CCNT1: variants seen among roughly 807,000 people sequenced by gnomAD.
CCNT1 encodes the protein cyclin-T1.
A neutral mutation model predicts 67.3 loss-of-function variants in CCNT1; 18 were observed. That is an observed-to-expected ratio of 0.27 (90% confidence interval 0.18 to 0.40). The LOEUF is 0.40. Ranked by LOEUF, CCNT1 falls within the 10% of genes least tolerant of loss-of-function variation. The pLI is 1.00. For missense variants in CCNT1, 744 were observed against 884.9 expected (o/e 0.84, Z 2.02); for synonymous variants, 333 against 310.3 (o/e 1.07, Z -0.77).
In CCNT1 at chr12:48,689,807, G is replaced by A. The variant is rs1046120648; in HGVS notation, c.*3226C>T. On this transcript the variant is annotated 3_prime_UTR_variant, in exon 9 of 9. Transcript: ENST00000261900. ...TGTGGAGGAGTATGCATTTCAATATGGAGAATTAAGTAGCAGAGGTTTAAG... is the reference window on the plus strand; with the variant it reads ...TGTGGAGGAGTATGCATTTCAATATAGAGAATTAAGTAGCAGAGGTTTAAG... 3 of 152,168 alleles carry A rather than the reference G, an allele frequency of 2.0e-5. No homozygotes were observed. The highest frequency in any genetic ancestry group is 1.3e-4 in the Admixed American group (2 of 15,276). 9.4% of individuals were successfully genotyped at this position (152,168 alleles called of 1,614,324 possible).
At chr12:48,701,904 C>A (rs988731610) in intron 3 of CCNT1, among the ~76,000 whole-genome samples, 21 of 151,630 alleles carry the variant, frequency 1.4e-4, no homozygotes, top group African/African-American at 5.1e-4. Flanking sequence ...CCGCACCCGG[C>A]CTTTTTTTTT....
At chr12:48,700,516 A>AT (rs1256221383) in intron 4 of CCNT1, among the ~76,000 whole-genome samples, 1 of 152,086 alleles carries the variant, frequency 6.6e-6, no homozygotes, top group Non-Finnish European at 1.5e-5. Flanking sequence ...AAAAATCTGT[A>AT]TTTTCATATT....
In CCNT1 at chr12:48,694,443, T is replaced by C. The variant is rs1565615841; in HGVS notation, c.778-7A>G. 3 of 1,607,460 alleles carry C rather than the reference T, an allele frequency of 1.9e-6. No homozygotes were observed. The highest frequency in any genetic ancestry group is 2.6e-6 in the Non-Finnish European group (3 of 1,175,366). ...TCTTGGCAGCCTCGCATGCCTGCAATGAAGCAAATAGCATCTCTTTACTTA... is the reference window on the plus strand; with the variant it reads ...TCTTGGCAGCCTCGCATGCCTGCAACGAAGCAAATAGCATCTCTTTACTTA... On this transcript the variant is annotated splice_region_variant and splice_polypyrimidine_tract_variant and intron_variant, in intron 8 of 8. Coordinates refer to ENST00000261900, the MANE Select transcript of CCNT1 (RefSeq NM_001240.4).
At chr12:48,697,561 C>T (rs1254822175) in intron 6 of CCNT1, among the ~76,000 whole-genome samples, 1 of 141,254 alleles carries the variant, frequency 7.1e-6, no homozygotes, top group East Asian at 2.0e-4. Flanking sequence ...ATATATATGC[C>T]TGTAATCCCA....
In CCNT1 at chr12:48,692,394, AT is replaced by A. The variant is rs1193109658; in HGVS notation, c.*638del. The stretch of plus-strand genomic sequence containing the variant: ...TAAAAACACACATACCCACACTTAC[AT>A]ACACACTTAAAAGTCTGAAAAAAGT... On this transcript the variant is annotated 3_prime_UTR_variant, in exon 9 of 9. Coordinates refer to ENST00000261900, the MANE Select transcript of CCNT1 (RefSeq NM_001240.4). 2 of 148,510 alleles carry A rather than the reference AT, an allele frequency of 1.3e-5. No homozygotes were observed. The highest frequency in any genetic ancestry group is 5.3e-5 in the African/African-American group (2 of 37,920). 9.2% of individuals were successfully genotyped at this position (148,510 alleles called of 1,614,324 possible).
intron 3 of CCNT1, 158 bp downstream of exon 3, chr12:48,705,610 A>G: frequency 1.5e-6 from 1 of 660,524 alleles, no homozygotes. Flanking sequence ...CACAAACACT[A>G]AAATATTCTT....
At chr12:48,694,515 G>A in intron 8 of CCNT1, 79 bp from the exon 9 acceptor site, 1 of 1,298,254 alleles carries the variant, frequency 7.7e-7, no homozygotes, top group Non-Finnish European at 1.1e-6. Context: ...GATTGTACTT[G>A]CAGCAACACT....
chr12:48,704,581 C>T (rs572106722), intron 3 of CCNT1, among the ~76,000 whole-genome samples: 5 of 152,238 alleles, frequency 3.3e-5, no homozygotes, highest in African/African-American at 7.2e-5. Flanking sequence ...GAGGCCAAGG[C>T]GGGCAGATCA....
chr12:48,705,269 G>A (rs1043635689), intron 3 of CCNT1, among the ~76,000 whole-genome samples: 1 of 149,160 alleles, frequency 6.7e-6, no homozygotes, highest in East Asian at 2.1e-4. Context: ...GAGCCAGCAT[G>A]CCCAGTTGTT....
intron 3 of CCNT1, among the ~76,000 whole-genome samples, chr12:48,704,663 G>A (rs1158411642): frequency 5.9e-5 from 9 of 152,140 alleles, no homozygotes; most frequent in Admixed American, 5.9e-4. Context: ...ACAAAAATTA[G>A]CTGTGTGTGG....
At chr12:48,712,662 C>T (rs1470953118) in intron 2 of CCNT1, among the ~76,000 whole-genome samples, 4 of 132,540 alleles carry the variant, frequency 3.0e-5, no homozygotes, top group African/African-American at 5.6e-5. Flanking sequence ...AGTATACAGC[C>T]GGTGCAGTGG....
rs530552815 is a variant in CCNT1, at chr12:48,700,179, C to T, written c.434-339G>A. On this transcript the variant is annotated intron_variant, in intron 4 of 8. Transcript: ENST00000261900. ...CTAAAAATACAAAAATTTAGCTGGG[C>T]GTGGTGGCGGGCGCCTGTAGTCCCA... 1.2e-4 allele frequency among the ~76,000 whole-genome samples: 18 copies of T among 151,716 alleles called. No individual in the cohort carries two copies. In the South Asian group the frequency reaches 1.3e-3, roughly 11 times the overall value.
chr12:48,695,625 T>C (rs1026624348), intron 8 of CCNT1, 134 bp downstream of exon 8: 12 of 635,618 alleles, frequency 1.9e-5, no homozygotes, highest in Non-Finnish European at 3.4e-5. Flanking sequence ...AGGTATGAAG[T>C]AGAAGTCATG....
chr12:48,689,651 A>G lies in CCNT1; in HGVS notation c.*3382T>C, dbSNP rs1274771322. Reference sequence around the variant, plus strand: ...TTCTCTCTTTTCTTAGTATCAAAATAACTCATAAACAAAAAAAATTGTAAA... The same window carrying G: ...TTCTCTCTTTTCTTAGTATCAAAATGACTCATAAACAAAAAAAATTGTAAA... On this transcript the variant is annotated 3_prime_UTR_variant, in exon 9 of 9. Coordinates refer to ENST00000261900, the MANE Select transcript of CCNT1 (RefSeq NM_001240.4). 2 of 152,244 alleles carry G rather than the reference A, an allele frequency of 1.3e-5. No homozygotes were observed. Among genetic ancestry groups the G allele is most frequent in the Non-Finnish European group, 2.9e-5 (2 of 68,046 alleles). 9.4% of individuals were successfully genotyped at this position (152,244 alleles called of 1,614,324 possible).
chr12:48,716,442 C>A (rs11168700), intron 1 of CCNT1, 73 bp downstream of exon 1: 401,234 of 1,411,692 alleles, frequency 0.28, 62,700 homozygotes, highest in Non-Finnish European at 0.32. Context: ...GTCCCCCCCA[C>A]AGAGCCTGAG....
At chr12:48,705,430 CTT>C (rs575520492) in intron 3 of CCNT1, among the ~76,000 whole-genome samples, 1 of 148,078 alleles carries the variant, frequency 6.8e-6, no homozygotes, top group African/African-American at 2.5e-5. Flanking sequence ...CCACATCTGG[CTT>C]TTTTTTTTCT....
In CCNT1 at chr12:48,710,815, G is replaced by A. The variant is rs1466941084; in HGVS notation, c.243+3628C>T. On this transcript the variant is annotated intron_variant, in intron 2 of 8. Coordinates refer to ENST00000261900, the MANE Select transcript of CCNT1 (RefSeq NM_001240.4). ...ACAGTGGCTCATGGCTATAATTCCAGCACTTGGTAGGCCAAGGCGGGTGGA... is the reference window on the plus strand; with the variant it reads ...ACAGTGGCTCATGGCTATAATTCCAACACTTGGTAGGCCAAGGCGGGTGGA... 5.9e-5 allele frequency among the ~76,000 whole-genome samples: 9 copies of A among 152,172 alleles called. No homozygotes were observed. The East Asian group carries it at 1.7e-3, about 29-fold the overall frequency.
rs7134192 is a variant in CCNT1, at chr12:48,713,177, G to C, written c.243+1266C>G. 6.7e-5 allele frequency among the ~76,000 whole-genome samples: 10 copies of C among 148,242 alleles called. No individual in the cohort carries two copies. In the East Asian group the frequency reaches 1.8e-3, roughly 27 times the overall value. ...TTATTAGTATAATTTTATTCTTCCT[G>C]TTCTTTGTAAAATTTTTTTTACCTT... On this transcript the variant is annotated intron_variant, in intron 2 of 8. Transcript: ENST00000261900.
At chr12:48,708,645 T>C (rs560621927) in intron 2 of CCNT1, among the ~76,000 whole-genome samples, 1 of 152,090 alleles carries the variant, frequency 6.6e-6, no homozygotes, top group African/African-American at 2.4e-5. Flanking sequence ...CTGCACTAAA[T>C]ATATGTACAT....
Sources: allele counts gnomAD v4.1 joint callset (sites outside exome capture counted in the v4.1 genomes callset), GRCh38; gene constraint gnomAD v4.1.1; transcripts MANE v1.5; gene names NCBI Gene and HGNC (gene_info 2026-07-23, HGNC 2026-07-21).